SFTPC: variants seen among roughly 807,000 people sequenced by gnomAD.
SFTPC encodes the protein BRICHOS domain containing 6.
A neutral mutation model predicts 19.9 loss-of-function variants in SFTPC; 12 were observed. That is an observed-to-expected ratio of 0.60 (90% CI 0.39 to 0.98). SFTPC has a LOEUF of 0.98. SFTPC is among the 50% of genes least tolerant of loss of function. The pLI, the probability that SFTPC is intolerant of heterozygous loss-of-function variation, is 0.00. For synonymous variants in SFTPC, 123 were observed against 103.3 expected, an observed-to-expected ratio of 1.19 and a Z score of -1.16; for missense variants, 219 against 252.2, an observed-to-expected ratio of 0.87 and a Z score of 0.89.
intron 3 of SFTPC, 36 bp downstream of exon 3, chr8:22,163,238 T>A: frequency 6.2e-7 from 1 of 1,614,008 alleles, no homozygotes; most frequent in South Asian, 1.1e-5. Context: ...CTGGGACCAA[T>A]GACAAGGCTC....
upstream of SFTPC, among the ~76,000 whole-genome samples, chr8:22,160,588 G>A (rs1827676382): frequency 6.6e-6 from 1 of 152,148 alleles, no homozygotes. Flanking sequence ...GCCAGCCTGG[G>A]TGATAAAGTG....
At chr8:22,163,410 A>T in intron 3 of SFTPC, 26 bp from the exon 4 acceptor site, 1 of 1,597,266 alleles carries the variant, frequency 6.3e-7, no homozygotes, top group Non-Finnish European at 8.6e-7. Context: ...GGGACCCCCG[A>T]ATGATCTCCA....
At chr8:22,164,186 G>T (rs1049005777) in intron 5 of SFTPC, 80 bp from the exon 6 acceptor site, 6 of 1,536,590 alleles carry the variant, frequency 3.9e-6, no homozygotes, top group Non-Finnish European at 5.2e-6. Flanking sequence ...AGGCAACTCG[G>T]GGGAGGGGAA....
At chr8:22,161,281 C>A (rs1337622718), upstream of SFTPC, among the ~76,000 whole-genome samples, 1 of 152,088 alleles carries the variant, frequency 6.6e-6, no homozygotes, top group Non-Finnish European at 1.5e-5. Context: ...CAGGGAAATG[C>A]ACATTTATGA....
chr8:22,159,167 A>G (rs1301506534), upstream of SFTPC: 1 of 155,738 alleles, frequency 6.4e-6, no homozygotes, highest in African/African-American at 2.4e-5. Flanking sequence ...TAATCTCAGC[A>G]CTTTGGAAGG....
chr8:22,164,189 G>A, intron 5 of SFTPC, 77 bp from the exon 6 acceptor site: 1 of 1,535,866 alleles, frequency 6.5e-7, no homozygotes, highest in Non-Finnish European at 8.7e-7. Flanking sequence ...CAACTCGGGG[G>A]AGGGGAAGCT....
In SFTPC at chr8:22,162,605, G is replaced by A. The variant is rs1827790324; in HGVS notation, c.74G>A (p.Gly25Asp). The change falls in exon 2 of 6, where the codon GGC (glycine) becomes GAC (aspartate). Residue 25 changes from glycine to aspartate, a missense_variant. Physicochemically the swap from Gly to Asp is moderately conservative, Grantham distance 94. Transcript: ENST00000679463. Reference protein sequence around the residue: ...DYSAAPRGRFGIPCCPVHLKR... With the variant: ...DYSAAPRGRFDIPCCPVHLKR... ...TCCGCAGCTCCCCGGGGCCGATTTG[G>A]CATTCCCTGCTGCCCAGTGCACCTG... 4 of 1,614,150 alleles carry A rather than the reference G, an allele frequency of 2.5e-6. No homozygotes were observed. The highest frequency in any genetic ancestry group is 3.4e-6 in the Non-Finnish European group (4 of 1,180,020).
chr8:22,163,445 G>A lies in SFTPC; in HGVS notation c.334G>A (p.Ala112Thr), dbSNP rs372529179. The A allele has an allele frequency of 8.1e-6, 13 of 1,613,648 alleles. No individual in the cohort carries two copies. Among genetic ancestry groups the A allele is most frequent in the South Asian group, 4.4e-5 (4 of 91,026 alleles). Residue 112 changes from alanine (A) to threonine (T), a missense_variant, in exon 4 of 6, where the codon GCC (alanine) becomes ACC (threonine). Ala to Thr is a moderately conservative substitution (Grantham distance 58). Coordinates refer to ENST00000679463, the MANE Select transcript of SFTPC (RefSeq NM_001317778.2). ...VVYDYQQLLI[A>T]YKPAPGTCCY... ...AGCATTCTGTGCCTAGCTGCTGATCGCCTACAAGCCAGCCCCTGGCACCTG... is the reference window on the plus strand; with the variant it reads ...AGCATTCTGTGCCTAGCTGCTGATCACCTACAAGCCAGCCCCTGGCACCTG...
chr8:22,162,560 C>A lies in SFTPC; in HGVS notation c.43-14C>A. On this transcript the variant is annotated splice_polypyrimidine_tract_variant and intron_variant, in intron 1 of 5. Transcript: ENST00000679463. ...GACCTCATGCCTGTCTCCTTGCCTGCCCCACCGTGTCAGGACTACTCCGCA... is the reference window on the plus strand; with the variant it reads ...GACCTCATGCCTGTCTCCTTGCCTGACCCACCGTGTCAGGACTACTCCGCA... The A allele has an allele frequency of 6.2e-7, 1 of 1,613,122 alleles. No individual in the cohort carries two copies. The highest frequency in any genetic ancestry group is 8.5e-7 in the Non-Finnish European group (1 of 1,179,780).
upstream of SFTPC, chr8:22,159,585 G>C: frequency 2.6e-6 from 1 of 386,184 alleles, no homozygotes; most frequent in East Asian, 7.4e-5. Flanking sequence ...AGAAGCAGCA[G>C]CAGCAGCCGC....
intron 4 of SFTPC, 74 bp downstream of exon 4, chr8:22,163,620 T>C: frequency 2.9e-6 from 3 of 1,042,376 alleles, no homozygotes; most frequent in Middle Eastern, 2.1e-4. Flanking sequence ...GAATGGTGGC[T>C]ATTTGTCACC....
chr8:22,163,375 C>A, intron 3 of SFTPC, 61 bp from the exon 4 acceptor site: 1 of 1,534,838 alleles, frequency 6.5e-7, no homozygotes, highest in Non-Finnish European at 9.0e-7. Flanking sequence ...TGGCTAAGGA[C>A]CTGGGTCAGG....
rs1220617534 is a variant in SFTPC at position 22,163,501 on chromosome 8, C to T, written c.390C>T (p.Ser130=). The part of the protein sequence containing the change: ...CCYIMKIAPE[S]IPSLEALTRK... ...ACATCATGAAGATAGCTCCAGAGAG[C>T]ATCCCCAGTCTTGAGGCTCTCACTA... Residue 130 remains serine (S), a synonymous_variant, in exon 4 of 6, where the codon AGC becomes AGT. Transcript: ENST00000679463. The T allele has an allele frequency of 6.2e-7, 1 of 1,614,006 alleles. No homozygotes were observed. The highest frequency in any genetic ancestry group is 2.2e-5 in the East Asian group (1 of 44,872).
At position 22,164,429 on chromosome 8, in the gene SFTPC, G is replaced by A; in HGVS notation, c.*182G>A. The A allele has an allele frequency of 2.7e-6, 4 of 1,491,562 alleles. No individual in the cohort carries two copies. The highest frequency in any genetic ancestry group is 3.5e-6 in the Non-Finnish European group (4 of 1,128,012). 92.4% of individuals were successfully genotyped at this position (1,491,562 alleles called of 1,614,324 possible). ...GAGTGGGCAGAGGTGGCGCCCAGGG[G>A]CCCGGGAACTCCTGCCACAACAGAA... is the stretch of plus-strand genomic sequence containing the variant. On this transcript the variant is annotated 3_prime_UTR_variant, in exon 6 of 6. Transcript: ENST00000679463.
rs754831645 is a variant in SFTPC at position 22,163,134 on chromosome 8, G to A, written c.256G>A (p.Glu86Lys). Reference protein sequence around the residue: ...PEAQQRLALSEHLVTTATFSI... With the variant: ...PEAQQRLALSKHLVTTATFSI... Reference sequence around the variant, plus strand: ...AGCCCAGCAACGCCTGGCCCTGAGTGAGCACCTGGTTACCACTGCCACCTT... The same window carrying A: ...AGCCCAGCAACGCCTGGCCCTGAGTAAGCACCTGGTTACCACTGCCACCTT... The change falls in exon 3 of 6, where the codon GAG becomes AAG. Residue 86 changes from glutamate (E) to lysine (K), a missense_variant. Coordinates refer to ENST00000679463, the MANE Select transcript of SFTPC (RefSeq NM_001317778.2). 3.7e-6 allele frequency: 6 copies of A among 1,614,176 alleles called. No homozygotes were observed. Among genetic ancestry groups the A allele is most frequent in the Admixed American group, 1.7e-5 (1 of 60,030 alleles).
At chr8:22,163,265 C>A in intron 3 of SFTPC, 63 bp downstream of exon 3, 1 of 1,608,694 alleles carries the variant, frequency 6.2e-7, no homozygotes, top group Non-Finnish European at 8.5e-7. Flanking sequence ...AGCCACCCAG[C>A]TGGGCCACTT....
intron 1 of SFTPC, 148 bp downstream of exon 1, chr8:22,162,018 C>A: frequency 5.7e-6 from 5 of 874,328 alleles, no homozygotes; most frequent in Admixed American, 2.0e-5. Flanking sequence ...ATGGGGACAC[C>A]AAGACCACTA....
intron 4 of SFTPC, 86 bp downstream of exon 4, chr8:22,163,632 G>A: frequency 1.1e-6 from 1 of 949,898 alleles, no homozygotes; most frequent in Admixed American, 1.9e-5. Flanking sequence ...TTTGTCACCT[G>A]TAAAGCACTG....
chr8:22,159,497 T>C (rs1827630777), upstream of SFTPC: 5 of 340,614 alleles, frequency 1.5e-5, no homozygotes. Context: ...TTCACTTGGT[T>C]GGTGTGAGCA....
Sources: gnomAD v4.1 joint callset for allele counts (sites outside exome capture counted in the v4.1 genomes callset) on GRCh38, gnomAD v4.1.1 for gene constraint, MANE v1.5 for transcripts, NCBI Gene and HGNC (gene_info 2026-07-23, HGNC 2026-07-21) for gene names.